EEFSEC: variants seen among roughly 807,000 people sequenced by gnomAD.
The protein encoded by EEFSEC is selenocysteine-specific elongation factor.
In EEFSEC, 43 loss-of-function variants were observed where a neutral mutation model predicts 42.1. The ratio of observed to expected loss-of-function variants is 1.02; its 90% CI spans 0.80 to 1.32. The LOEUF is 1.32. Ranked by LOEUF, EEFSEC falls within the 40% of genes most tolerant of loss-of-function variation. EEFSEC has a pLI of 0.00. For missense variants in EEFSEC, 745 were observed against 803.6 expected (o/e 0.93, Z 0.88); for synonymous variants, 354 against 339.1 (o/e 1.04, Z -0.48).
chr3:128,294,202 G>C (rs994256466), intron 4 of EEFSEC, among the ~76,000 whole-genome samples: 4 of 152,188 alleles, frequency 2.6e-5, no homozygotes. Flanking sequence ...TACCTGGTGA[G>C]GCCCAGATAT....
In EEFSEC at chr3:128,384,411, G is replaced by C. The variant is rs142213111; in HGVS notation, c.1601-23658G>C. The stretch of plus-strand genomic sequence containing the variant: ...GGTGATTTGTGGGGTCCAGCTGCCA[G>C]AATGGGGTGTCCCAGGATGGAGATG... On this transcript the variant is annotated intron_variant, in intron 6 of 6. Transcript: ENST00000254730. Among the ~76,000 whole-genome samples the C allele has an allele frequency of 3.4e-3, 513 of 152,350 alleles. 1 individual carries two copies. Among genetic ancestry groups the C allele is most frequent in the African/African-American group, 0.011 (474 of 41,576 alleles).
chr3:128,319,944 G>A (rs1361144561), intron 4 of EEFSEC, among the ~76,000 whole-genome samples: 1 of 152,250 alleles, frequency 6.6e-6, no homozygotes, highest in African/African-American at 2.4e-5. Flanking sequence ...AGCACCTGCT[G>A]CTGGCAGCAC....
chr3:128,330,483 C>T (rs983882455), intron 4 of EEFSEC, among the ~76,000 whole-genome samples: 18 of 152,180 alleles, frequency 1.2e-4, no homozygotes, highest in African/African-American at 2.4e-4. Flanking sequence ...TAACAGGTTA[C>T]GGGGCTTAAG....
chr3:128,345,476 C>A (rs1367503598), intron 5 of EEFSEC, among the ~76,000 whole-genome samples: 1 of 152,164 alleles, frequency 6.6e-6, no homozygotes, highest in Admixed American at 6.5e-5. Context: ...CTTTCCCCAC[C>A]GTGCTTGGCT....
chr3:128,295,939 G>T (rs185621923), intron 4 of EEFSEC, among the ~76,000 whole-genome samples: 44 of 152,314 alleles, frequency 2.9e-4, no homozygotes, highest in African/African-American at 8.2e-4. Context: ...GGTGGGTTTG[G>T]TCCCCAGCCC....
chr3:128,347,982 G>A (rs899428563), intron 5 of EEFSEC, among the ~76,000 whole-genome samples: 2 of 151,862 alleles, frequency 1.3e-5, no homozygotes, highest in Non-Finnish European at 2.9e-5. Context: ...CCTATGGCTT[G>A]GAACATTTAC....
At chr3:128,285,851 G>T (rs1016985914) in intron 4 of EEFSEC, among the ~76,000 whole-genome samples, 1 of 152,170 alleles carries the variant, frequency 6.6e-6, no homozygotes, top group Non-Finnish European at 1.5e-5. Context: ...TGTGCTGTGT[G>T]TGCTTCACCT....
chr3:128,257,812 C>T (rs1176892093), intron 2 of EEFSEC, among the ~76,000 whole-genome samples: 5 of 152,074 alleles, frequency 3.3e-5, no homozygotes, highest in East Asian at 3.9e-4. Flanking sequence ...ACCTCTTGAG[C>T]GTGGCCTGTG....
At chr3:128,405,413 C>G (rs1395294826) in intron 6 of EEFSEC, among the ~76,000 whole-genome samples, 1 of 152,246 alleles carries the variant, frequency 6.6e-6, no homozygotes, top group Non-Finnish European at 1.5e-5. Context: ...ACCCATCACT[C>G]TGAGTGGAGA....
intron 4 of EEFSEC, among the ~76,000 whole-genome samples, chr3:128,321,640 T>C (rs1352853856): frequency 6.6e-6 from 1 of 152,170 alleles, no homozygotes; most frequent in Non-Finnish European, 1.5e-5. Context: ...TGCACTGGCT[T>C]TCCCCTGCCT....
chr3:128,351,798 G>C (rs1270387114), intron 5 of EEFSEC, among the ~76,000 whole-genome samples: 2 of 152,204 alleles, frequency 1.3e-5, no homozygotes, highest in Non-Finnish European at 1.5e-5. Flanking sequence ...TGCTCCTCAG[G>C]AGCTCAGTCC....
intron 6 of EEFSEC, among the ~76,000 whole-genome samples, chr3:128,377,747 A>C (rs2067726502): frequency 6.6e-6 from 1 of 152,244 alleles, no homozygotes; most frequent in South Asian, 2.1e-4. Context: ...TTTTAAAATG[A>C]AAACATCACA....
At chr3:128,187,140 A>G (rs1462949597) in intron 1 of EEFSEC, among the ~76,000 whole-genome samples, 1 of 152,244 alleles carries the variant, frequency 6.6e-6, no homozygotes, top group Non-Finnish European at 1.5e-5. Flanking sequence ...CAAGTCTCCC[A>G]TCTCTGAATA....
At chr3:128,176,921 A>G (rs1559855617) in intron 1 of EEFSEC, among the ~76,000 whole-genome samples, 1 of 152,024 alleles carries the variant, frequency 6.6e-6, no homozygotes, top group African/African-American at 2.4e-5. Flanking sequence ...ATTGCCAGCT[A>G]TAAATGTGGT....
the EEFSEC span, among the ~76,000 whole-genome samples, chr3:128,421,685 G>T: frequency 6.6e-6 from 1 of 152,190 alleles, no homozygotes; most frequent in Non-Finnish European, 1.5e-5. Context: ...GCGGGGTGGG[G>T]GGGCGCATTC....
intron 1 of EEFSEC, among the ~76,000 whole-genome samples, chr3:128,222,251 T>G (rs2065869173): frequency 6.6e-6 from 1 of 152,196 alleles, no homozygotes; most frequent in African/African-American, 2.4e-5. Context: ...CAGGCTGGCC[T>G]CGAACTCCTG....
At chr3:128,378,068 G>A (rs1339817465) in intron 6 of EEFSEC, among the ~76,000 whole-genome samples, 1 of 152,170 alleles carries the variant, frequency 6.6e-6, no homozygotes, top group African/African-American at 2.4e-5. Flanking sequence ...ATGACTGTCT[G>A]CCAAAATTTC....
chr3:128,208,227 G>A (rs1316328210), intron 1 of EEFSEC, among the ~76,000 whole-genome samples: 1 of 152,208 alleles, frequency 6.6e-6, no homozygotes, highest in Admixed American at 6.5e-5. Context: ...GGTTGGACGG[G>A]AAGCCTCTTT....
chr3:128,312,110 C>T (rs1353035791), intron 4 of EEFSEC, among the ~76,000 whole-genome samples: 2 of 152,184 alleles, frequency 1.3e-5, no homozygotes, highest in African/African-American at 2.4e-5. Flanking sequence ...GCTGTACCGT[C>T]AAGAGTTCCA....
Sources: gnomAD v4.1 joint callset for allele counts (sites outside exome capture counted in the v4.1 genomes callset) on GRCh38, gnomAD v4.1.1 for gene constraint, MANE v1.5 for transcripts, NCBI Gene and HGNC (gene_info 2026-07-23, HGNC 2026-07-21) for gene names.